Variants in GARS1 observed in about 807,000 individuals in gnomAD.
The protein encoded by GARS1 is glycyl-tRNA synthetase 1.
GARS1 carries 46 observed loss-of-function variants against 86.4 expected under a neutral mutation model. The ratio of observed to expected loss-of-function variants is 0.53; its 90% CI spans 0.42 to 0.68. The LOEUF (loss-of-function observed/expected upper bound fraction) is 0.68, where lower values mean the gene tolerates loss of function less well. GARS1 is among the 30% of genes least tolerant of loss of function. The pLI, the probability that GARS1 is intolerant of heterozygous loss-of-function variation, is 0.00. For synonymous variants in GARS1, 342 were observed against 329.8 expected (o/e 1.04, Z -0.40); for missense variants, 797 against 915.6 (o/e 0.87, Z 1.67).
chr7:30,605,329 G>T (rs891013149), intron 6 of GARS1, among the ~76,000 whole-genome samples: 4 of 152,174 alleles, frequency 2.6e-5, no homozygotes, highest in African/African-American at 7.2e-5. Flanking sequence ...GTCTGTTTTT[G>T]TGGCCCATCT....
chr7:30,622,506 G>A (rs199860375), intron 12 of GARS1, 44 bp downstream of exon 12: 18 of 1,609,460 alleles, frequency 1.1e-5, no homozygotes, highest in Non-Finnish European at 1.4e-5. Flanking sequence ...CCAGTCAGTT[G>A]TGTCATCTGC....
At chr7:30,623,922 C>A (rs1389302635) in intron 12 of GARS1, among the ~76,000 whole-genome samples, 1 of 152,238 alleles carries the variant, frequency 6.6e-6, no homozygotes, top group East Asian at 1.9e-4. Flanking sequence ...GGAATGAAAT[C>A]TTTTAAAGTG....
At position 30,626,230 on chromosome 7, in the gene GARS1, G is replaced by T; in HGVS notation, c.1614-4G>T. On this transcript the variant is annotated splice_polypyrimidine_tract_variant and splice_region_variant and intron_variant, in intron 12 of 16. Coordinates refer to ENST00000389266, the MANE Select transcript of GARS1 (RefSeq NM_002047.4). ...AATACAAAATGTGTTTTGTTTCTTC[G>T]TAGGGAATTCACAATTGAAACTGAA... 1.3e-6 allele frequency: 2 copies of T among 1,590,504 alleles called. No individual in the cohort carries two copies. Among genetic ancestry groups the T allele is most frequent in the South Asian group, 1.1e-5 (1 of 90,394 alleles).
chr7:30,614,075 G>T (rs1162656781), intron 8 of GARS1, among the ~76,000 whole-genome samples: 2 of 152,118 alleles, frequency 1.3e-5, no homozygotes, highest in Non-Finnish European at 2.9e-5. Context: ...GATGATTCCT[G>T]CCTCCTATCT....
intron 14 of GARS1, chr7:30,631,233 G>T (rs1230682593): frequency 4.4e-6 from 2 of 454,930 alleles, no homozygotes; most frequent in Non-Finnish European, 8.1e-6. Flanking sequence ...AAGAGTTCAT[G>T]ACTTGGCCTA....
chr7:30,605,982 C>T (rs779406426), intron 6 of GARS1, among the ~76,000 whole-genome samples: 2 of 152,148 alleles, frequency 1.3e-5, no homozygotes, highest in East Asian at 3.8e-4. Context: ...GGCCTTCCTT[C>T]ATTCCCTTTT....
chr7:30,620,020 A>C (rs1584042260), intron 10 of GARS1, among the ~76,000 whole-genome samples: 1 of 150,960 alleles, frequency 6.6e-6, no homozygotes, highest in South Asian at 2.1e-4. Context: ...CAGGTGATCC[A>C]CCCGCCTTAG....
rs766625252 is a variant in GARS1, at chr7:30,622,395, A to T, written c.1546A>T (p.Met516Leu). The change falls in exon 12 of 17, where the codon ATG (methionine) becomes TTG (leucine). Residue 516 changes from methionine (M) to leucine (L), a missense_variant. Coordinates refer to ENST00000389266, the MANE Select transcript of GARS1 (RefSeq NM_002047.4). Reference protein sequence around the residue: ...KAYKKDAKLVMEYLAICDECY... With the variant: ...KAYKKDAKLVLEYLAICDECY... ...ATATAAGAAGGATGCAAAACTGGTG[A>T]TGGAGTATCTTGCCATTTGTGATGA... The T allele has an allele frequency of 2.5e-6, 4 of 1,614,044 alleles. No individual in the cohort carries two copies. The African/African-American group carries it at 4.0e-5, about 16-fold the overall frequency.
At chr7:30,627,175 A>G in intron 13 of GARS1, 1 of 412,236 alleles carries the variant, frequency 2.4e-6, no homozygotes, top group South Asian at 1.8e-5. Context: ...TTGAGAAGCT[A>G]CTGCCAGTGG....
intron 7 of GARS1, 86 bp from the exon 8 acceptor site, chr7:30,612,010 C>T: frequency 7.9e-7 from 1 of 1,265,072 alleles, no homozygotes. Flanking sequence ...ATATTTAGGA[C>T]TTTTAGGATT....
At position 30,594,910 on chromosome 7, in the gene GARS1, G is replaced by A. The variant is rs753221402; in HGVS notation, c.-12G>A. The A allele has an allele frequency of 1.3e-6, 2 of 1,556,780 alleles. No homozygotes were observed. The highest frequency in any genetic ancestry group is 1.9e-5 in the Admixed American group (1 of 53,828). On this transcript the variant is annotated 5_prime_UTR_variant, in exon 1 of 17. Coordinates refer to ENST00000389266, the MANE Select transcript of GARS1 (RefSeq NM_002047.4). ...TCGCCACCCTCTCTGGACAGCCCAG[G>A]GCCGCAGGCTCATGCCCTCTCCGCG...
chr7:30,616,192 T>C (rs1782886932), intron 9 of GARS1, 134 bp downstream of exon 9: 1 of 926,822 alleles, frequency 1.1e-6, no homozygotes, highest in Non-Finnish European at 1.7e-6. Flanking sequence ...CTTGGTTTTG[T>C]ACAGAATTTG....
At chr7:30,608,232 G>A (rs955936961) in intron 6 of GARS1, among the ~76,000 whole-genome samples, 2 of 152,198 alleles carry the variant, frequency 1.3e-5, no homozygotes, top group African/African-American at 4.8e-5. Context: ...TACAAATATA[G>A]TAATGTTAGA....
intron 16 of GARS1, 139 bp from the exon 17 acceptor site, chr7:30,633,596 T>G: frequency 1.0e-6 from 1 of 987,904 alleles, no homozygotes; most frequent in South Asian, 1.3e-5. Context: ...GGTGGGCGTT[T>G]TGGGCTAGAA....
intron 14 of GARS1, among the ~76,000 whole-genome samples, chr7:30,630,296 T>C (rs1783210199): frequency 6.6e-6 from 1 of 152,300 alleles, no homozygotes; most frequent in African/African-American, 2.4e-5. Context: ...AGGCCTTACT[T>C]AGAGTGGGAT....
rs780349799 is a variant in GARS1 at position 30,633,805 on chromosome 7, G to A, written c.2165G>A (p.Arg722Lys). ...GNITWADVEA[R>K]YPLFEGQETG... is the part of the protein sequence containing the mutation. ...ATCACATGGGCTGATGTGGAGGCCA[G>A]GTATCCTCTGTTTGAAGGGCAAGAG... is the stretch of plus-strand genomic sequence containing the variant. Residue 722 changes from arginine (R) to lysine (K), a missense_variant, in exon 17 of 17, where the codon AGG becomes AAG. Transcript: ENST00000389266. The A allele has an allele frequency of 1.2e-6, 2 of 1,611,018 alleles. No individual in the cohort carries two copies. The highest frequency in any genetic ancestry group is 1.7e-6 in the Non-Finnish European group (2 of 1,178,462).
chr7:30,595,144 G>T lies in GARS1; in HGVS notation c.222+1G>T. On this transcript the variant is annotated splice_donor_variant, in intron 1 of 16. Coordinates refer to ENST00000389266, the MANE Select transcript of GARS1 (RefSeq NM_002047.4). LOFTEE classifies it high-confidence loss of function. ...TCTGAGGCTAGCAGTGCGCCAGCAG[G>T]TACCGGTGTTTTGCGCTCTCCGCTA... 1 of 1,537,120 alleles carries T rather than the reference G, an allele frequency of 6.5e-7. No individual in the cohort carries two copies. The highest frequency in any genetic ancestry group is 8.7e-7 in the Non-Finnish European group (1 of 1,146,836).
chr7:30,599,126 G>A (rs1181835766), intron 2 of GARS1, among the ~76,000 whole-genome samples: 1 of 152,146 alleles, frequency 6.6e-6, no homozygotes, highest in African/African-American at 2.4e-5. Flanking sequence ...CCCTGCAAAT[G>A]CTGGACTCAA....
chr7:30,625,204 A>G (rs939652226), intron 12 of GARS1, among the ~76,000 whole-genome samples: 5 of 152,184 alleles, frequency 3.3e-5, no homozygotes, highest in Admixed American at 2.6e-4. Context: ...TTGACCTCCC[A>G]AAGTGCTGGG....
Sources: allele counts gnomAD v4.1 joint callset (sites outside exome capture counted in the v4.1 genomes callset), GRCh38; gene constraint gnomAD v4.1.1; transcripts MANE v1.5; gene names NCBI Gene and HGNC (gene_info 2026-07-23, HGNC 2026-07-21).